The following IPO7 variants were observed in gnomAD, a reference collection of about 807,000 sequenced individuals.
The protein encoded by IPO7 is importin 7, also known as importin-7.
In IPO7, 13 loss-of-function variants were observed where a neutral mutation model predicts 136.4. The ratio of observed to expected loss-of-function variants is 0.10; its 90% CI spans 0.06 to 0.15. IPO7 has a LOEUF of 0.15. IPO7 is among the 10% of genes least tolerant of loss of function. The pLI, the probability that IPO7 is intolerant of heterozygous loss-of-function variation, is 1.00. For synonymous variants in IPO7, 403 were observed against 404.4 expected (o/e 1.00, Z 0.04); for missense variants, 857 against 1,240.6 (o/e 0.69, Z 4.65).
At chr11:9,397,665 A>AC (rs1412219699) in intron 1 of IPO7, among the ~76,000 whole-genome samples, 5 of 151,894 alleles carry the variant, frequency 3.3e-5, no homozygotes, top group African/African-American at 1.2e-4. Flanking sequence ...TATACGCAAA[A>AC]CCATGTATGT....
intron 24 of IPO7, 126 bp downstream of exon 24, chr11:9,442,323 G>C: frequency 2.0e-6 from 1 of 512,164 alleles, no homozygotes; most frequent in Non-Finnish European, 3.5e-6. Flanking sequence ...GTTGTTGCAG[G>C]TGATAGGAAT....
At chr11:9,393,265 G>A (rs1393336269) in intron 1 of IPO7, among the ~76,000 whole-genome samples, 2 of 152,312 alleles carry the variant, frequency 1.3e-5, no homozygotes, top group East Asian at 3.9e-4. Context: ...GCCTATTTTG[G>A]GTACTTTGAT....
At chr11:9,421,201 TC>T (rs1855122455) in intron 8 of IPO7, among the ~76,000 whole-genome samples, 1 of 151,372 alleles carries the variant, frequency 6.6e-6, no homozygotes, top group Non-Finnish European at 1.5e-5. Context: ...CCTCAGGTGA[TC>T]CGCCTGCCTT....
intron 1 of IPO7, among the ~76,000 whole-genome samples, chr11:9,394,235 G>A (rs1854678542): frequency 6.6e-6 from 1 of 152,142 alleles, no homozygotes; most frequent in Admixed American, 6.6e-5. Context: ...AGCAATTTCT[G>A]ATTACAGTGT....
At chr11:9,433,221 G>A in intron 16 of IPO7, 1 of 213,522 alleles carries the variant, frequency 4.7e-6, no homozygotes, top group South Asian at 7.0e-5. Flanking sequence ...CCTGACCTCA[G>A]GTGATCCACC....
At position 9,386,525 on chromosome 11, in the gene IPO7, A is replaced by T. The variant is rs1219525964; in HGVS notation, c.84+1678A>T. On this transcript the variant is annotated intron_variant, in intron 1 of 24. Coordinates refer to ENST00000379719, the MANE Select transcript of IPO7 (RefSeq NM_006391.3). Reference sequence around the variant, plus strand: ...TCATTTCTACCATGACTTTGCTCTAATCGCGTATTATTTTGACTAATTATA... The same window carrying T: ...TCATTTCTACCATGACTTTGCTCTATTCGCGTATTATTTTGACTAATTATA... Among the ~76,000 whole-genome samples, 5 of 152,318 alleles carry T rather than the reference A, an allele frequency of 3.3e-5. No individual in the cohort carries two copies. The South Asian group carries it at 1.0e-3, about 32-fold the overall frequency.
chr11:9,409,956 A>G lies in IPO7; in HGVS notation c.349A>G (p.Ile117Val), dbSNP rs151195385. 7.6e-6 allele frequency: 12 copies of G among 1,580,452 alleles called. No individual in the cohort carries two copies. Among genetic ancestry groups the G allele is most frequent in the Middle Eastern group, 3.4e-4 (2 of 5,944 alleles). Reference sequence around the variant, plus strand: ...ACAGCTTACTACATGCATTCATCACATCATCAAACATGATTATCCAAGCCG... The same window carrying G: ...ACAGCTTACTACATGCATTCATCACGTCATCAAACATGATTATCCAAGCCG... ...RVQLTTCIHHIIKHDYPSRWT... is the reference protein window; with the variant it reads ...RVQLTTCIHHVIKHDYPSRWT... Residue 117 changes from isoleucine (I) to valine (V), a missense_variant, in exon 4 of 25, where the codon ATC (isoleucine) becomes GTC (valine). Ile to Val is a conservative substitution (Grantham distance 29, BLOSUM62 3). This residue lies in a region of IPO7 where 287 missense variants were observed against 307.5 expected (regional missense o/e 0.93). Transcript: ENST00000379719.
In IPO7 at chr11:9,442,125, G is replaced by A. The variant is rs1218385810; in HGVS notation, c.2947G>A (p.Gly983Ser). 3 of 1,608,396 alleles carry A rather than the reference G, an allele frequency of 1.9e-6. No homozygotes were observed. Among genetic ancestry groups the A allele is most frequent in the East Asian group, 2.2e-5 (1 of 44,812 alleles). Residue 983 changes from glycine to serine, a missense_variant, in exon 24 of 25, where the codon GGT (glycine) becomes AGT (serine). Gly to Ser is a moderately conservative substitution (Grantham distance 56). Transcript: ENST00000379719. ...NPVWYQALTHGLNEEQRKQLQ... is the reference protein window; with the variant it reads ...NPVWYQALTHSLNEEQRKQLQ... ...TGTGTGGTATCAGGCACTGACTCAC[G>A]GTCTTAATGAAGAACAAAGAAAACA...
rs1855216288 is a variant in IPO7, at chr11:9,426,841, A to G, written c.1335+1579A>G. On this transcript the variant is annotated intron_variant, in intron 12 of 24. Transcript: ENST00000379719. Reference sequence around the variant, plus strand: ...GGTGAGATCTTGGCTCGCTGCAGCCACCAGTCTCCCACATTAAAGTGATTC... The same window carrying G: ...GGTGAGATCTTGGCTCGCTGCAGCCGCCAGTCTCCCACATTAAAGTGATTC... 3.3e-5 allele frequency among the ~76,000 whole-genome samples: 5 copies of G among 152,086 alleles called. No individual in the cohort carries two copies. The South Asian group carries it at 1.0e-3, about 32-fold the overall frequency.
chr11:9,397,069 T>C (rs1444606549), intron 1 of IPO7, among the ~76,000 whole-genome samples: 3 of 151,564 alleles, frequency 2.0e-5, no homozygotes, highest in Non-Finnish European at 4.4e-5. Context: ...TTTGCTTGCC[T>C]TAACACACCT....
chr11:9,426,953 A>T (rs1193443181), intron 12 of IPO7, among the ~76,000 whole-genome samples: 1 of 150,924 alleles, frequency 6.6e-6, no homozygotes, highest in Non-Finnish European at 1.5e-5. Context: ...ATCTCGACTC[A>T]CTGCAACCTC....
At chr11:9,417,873 C>T (rs1461342629) in intron 6 of IPO7, among the ~76,000 whole-genome samples, 3 of 150,938 alleles carry the variant, frequency 2.0e-5, no homozygotes, top group Non-Finnish European at 2.9e-5. Flanking sequence ...CTACCAAGCC[C>T]GTCTAATTTT....
rs1419955114 is a variant in IPO7, at chr11:9,424,902, C to T, written c.1142-12C>T. 6.5e-7 allele frequency: 1 copy of T among 1,539,402 alleles called. No homozygotes were observed. Among genetic ancestry groups the T allele is most frequent in the African/African-American group, 1.4e-5 (1 of 72,542 alleles). On this transcript the variant is annotated splice_polypyrimidine_tract_variant and intron_variant, in intron 10 of 24. Coordinates refer to ENST00000379719, the MANE Select transcript of IPO7 (RefSeq NM_006391.3). ...TAATGTTTATTGTCTTAATTTTAAACTTGTTCTCTAGATGTGTTTGAAGAT... is the reference window on the plus strand; with the variant it reads ...TAATGTTTATTGTCTTAATTTTAAATTTGTTCTCTAGATGTGTTTGAAGAT...
At chr11:9,392,731 C>G (rs1854653925) in intron 1 of IPO7, among the ~76,000 whole-genome samples, 1 of 151,938 alleles carries the variant, frequency 6.6e-6, no homozygotes, top group Admixed American at 6.6e-5. Flanking sequence ...GGTGGATCAT[C>G]TGAGGTCAGG....
intron 12 of IPO7, among the ~76,000 whole-genome samples, chr11:9,426,290 G>A (rs755918376): frequency 6.6e-6 from 1 of 152,040 alleles, no homozygotes; most frequent in Non-Finnish European, 1.5e-5. Flanking sequence ...GCTCTTTGTG[G>A]GTGACTTCTT....
intron 12 of IPO7, 27 bp downstream of exon 12, chr11:9,425,289 A>G (rs749352264): frequency 3.2e-6 from 4 of 1,253,512 alleles, no homozygotes; most frequent in African/African-American, 1.5e-5. Context: ...TTGTATGTGC[A>G]TGACTATGCA....
chr11:9,439,736 G>A (rs977895989), intron 22 of IPO7, among the ~76,000 whole-genome samples: 69 of 151,584 alleles, frequency 4.6e-4, no homozygotes, highest in African/African-American at 1.6e-3. Context: ...CCACCACACC[G>A]GCTAATTTTT....
chr11:9,429,254 C>G (rs947317922), intron 14 of IPO7, 58 bp downstream of exon 14: 7 of 1,415,204 alleles, frequency 4.9e-6, no homozygotes, highest in Non-Finnish European at 6.9e-6. Flanking sequence ...GTAGGTCACA[C>G]CTGTAATCTT....
intron 1 of IPO7, among the ~76,000 whole-genome samples, chr11:9,387,923 G>A (rs11608024): frequency 0.46 from 67,370 of 146,446 alleles, 17,246 homozygotes; most frequent in Non-Finnish European, 0.58. Context: ...CGAGGCGGGC[G>A]GATCACCTGA....
Sources: gnomAD v4.1 joint callset for allele counts (sites outside exome capture counted in the v4.1 genomes callset) on GRCh38, gnomAD v4.1.1 for gene constraint, gnomAD v4.1.1 regional missense constraint, MANE v1.5 for transcripts, NCBI Gene and HGNC (gene_info 2026-07-23, HGNC 2026-07-21) for gene names.